Variants in SOX6 observed in about 807,000 individuals in gnomAD.
The protein encoded by SOX6 is SRY-box transcription factor 6.
Under a neutral mutation model 97.8 loss-of-function variants are expected in SOX6, and 11 were observed. The ratio of observed to expected loss-of-function variants is 0.11; its 90% CI spans 0.07 to 0.19. The LOEUF is 0.19. Ranked by LOEUF, SOX6 falls within the 10% of genes least tolerant of loss-of-function variation. SOX6 has a pLI of 1.00. For missense variants in SOX6, 810 were observed against 1,039.5 expected (o/e 0.78, Z 3.04); for synonymous variants, 360 against 371.4 (o/e 0.97, Z 0.35).
At chr11:16,666,823 G>A (rs1480968711) in intron 3 of SOX6, among the ~76,000 whole-genome samples, 5 of 151,570 alleles carry the variant, frequency 3.3e-5, no homozygotes, top group African/African-American at 4.9e-5. Flanking sequence ...TAGAGTCAAA[G>A]GAGACAAAAG....
intron 12 of SOX6, among the ~76,000 whole-genome samples, chr11:16,024,352 C>T (rs1390591535): frequency 6.6e-6 from 1 of 151,968 alleles, no homozygotes; most frequent in East Asian, 1.9e-4. Context: ...CAGCTTCTAC[C>T]TCTTATGCCA....
intron 1 of SOX6, among the ~76,000 whole-genome samples, chr11:16,379,808 T>C (rs1187261961): frequency 2.0e-5 from 3 of 152,066 alleles, no homozygotes; most frequent in Non-Finnish European, 4.4e-5. Context: ...TACTGCAATA[T>C]TGTTAATAAT....
chr11:16,391,236 T>C (rs915603202), intron 1 of SOX6, among the ~76,000 whole-genome samples: 1 of 152,132 alleles, frequency 6.6e-6, no homozygotes, highest in African/African-American at 2.4e-5. Context: ...ATACCTAATG[T>C]AGGTGACAGG....
chr11:16,593,831 T>A (rs1242911811), intron 4 of SOX6, among the ~76,000 whole-genome samples: 1 of 152,156 alleles, frequency 6.6e-6, no homozygotes, highest in Non-Finnish European at 1.5e-5. Flanking sequence ...AGAACAAAAT[T>A]TGATCCCGGG....
At chr11:16,379,057 G>A (rs779955731) in intron 1 of SOX6, among the ~76,000 whole-genome samples, 20 of 152,070 alleles carry the variant, frequency 1.3e-4, no homozygotes, top group Non-Finnish European at 2.8e-4. Context: ...AAATGCTCAA[G>A]TTTACAGAGC....
chr11:16,129,911 C>T (rs961714316), intron 6 of SOX6, among the ~76,000 whole-genome samples: 4 of 152,026 alleles, frequency 2.6e-5, no homozygotes, highest in Admixed American at 6.6e-5. Flanking sequence ...GCAATAATGT[C>T]TACTCTCACC....
intron 1 of SOX6, among the ~76,000 whole-genome samples, chr11:16,389,542 ATG>A (rs1858096479): frequency 1.3e-5 from 2 of 151,138 alleles, no homozygotes; most frequent in South Asian, 4.2e-4. Flanking sequence ...CTCTACTGAG[ATG>A]TCTTATTTTT....
chr11:16,513,379 T>C (rs1860911003), intron 4 of SOX6, among the ~76,000 whole-genome samples: 2 of 152,212 alleles, frequency 1.3e-5, no homozygotes. Flanking sequence ...AGGCCTGTAA[T>C]CCCAGCACTT....
At chr11:16,067,016 T>C (rs779976960) in intron 9 of SOX6, among the ~76,000 whole-genome samples, 5 of 152,170 alleles carry the variant, frequency 3.3e-5, no homozygotes, top group African/African-American at 7.2e-5. Context: ...ATTTCTCCCA[T>C]TTGGAATGGG....
chr11:16,667,461 G>T (rs1246707236), intron 3 of SOX6, among the ~76,000 whole-genome samples: 2 of 151,566 alleles, frequency 1.3e-5, no homozygotes, highest in Admixed American at 1.3e-4. Flanking sequence ...ATACAAAGGA[G>T]CTCCAATATG....
At chr11:16,444,149 TG>T (rs1175458321) in intron 1 of SOX6, among the ~76,000 whole-genome samples, 1 of 152,050 alleles carries the variant, frequency 6.6e-6, no homozygotes, top group Non-Finnish European at 1.5e-5. Flanking sequence ...AAAAGTAAGT[TG>T]TTTTAGTATA....
At chr11:16,062,422 A>G (rs1847982151) in intron 9 of SOX6, among the ~76,000 whole-genome samples, 1 of 151,734 alleles carries the variant, frequency 6.6e-6, no homozygotes, top group Non-Finnish European at 1.5e-5. Flanking sequence ...CTCAGATCAT[A>G]GTTCACAGTC....
intron 3 of SOX6, among the ~76,000 whole-genome samples, chr11:16,694,291 G>A (rs909653489): frequency 6.6e-6 from 1 of 152,208 alleles, no homozygotes; most frequent in Non-Finnish European, 1.5e-5. Context: ...AGTTTGGGAG[G>A]CCATGACAGG....
intron 4 of SOX6, among the ~76,000 whole-genome samples, chr11:16,609,540 A>G (rs1212679963): frequency 6.6e-6 from 1 of 152,148 alleles, no homozygotes; most frequent in African/African-American, 2.4e-5. Flanking sequence ...CATGGGGAAG[A>G]CCTCCTACAG....
At chr11:16,449,391 C>T (rs1859676778) in intron 1 of SOX6, among the ~76,000 whole-genome samples, 2 of 143,848 alleles carry the variant, frequency 1.4e-5, no homozygotes, top group African/African-American at 2.6e-5. Context: ...CTCCCGGGTT[C>T]GCGCCATTCT....
chr11:16,332,480 T>A (rs1856334398), intron 2 of SOX6, among the ~76,000 whole-genome samples: 2 of 152,196 alleles, frequency 1.3e-5, no homozygotes, highest in African/African-American at 4.8e-5. Context: ...ACTCTCAGTA[T>A]ACTGGGAGTA....
chr11:16,158,782 T>C (rs1326235692), intron 6 of SOX6, among the ~76,000 whole-genome samples: 1 of 151,958 alleles, frequency 6.6e-6, no homozygotes. Context: ...ACTACACACT[T>C]TTTCAATTTA....
chr11:16,228,516 A>G (rs1852752229), intron 4 of SOX6, among the ~76,000 whole-genome samples: 1 of 151,886 alleles, frequency 6.6e-6, no homozygotes, highest in Non-Finnish European at 1.5e-5. Context: ...GGAGAGAGAG[A>G]GGAATAGGGA....
chr11:16,265,620 C>T (rs1268707562), intron 3 of SOX6, among the ~76,000 whole-genome samples: 1 of 151,770 alleles, frequency 6.6e-6, no homozygotes, highest in Non-Finnish European at 1.5e-5. Context: ...TCAAATGAAA[C>T]TGAACTAACG....
Sources: gnomAD v4.1 joint callset for allele counts (sites outside exome capture counted in the v4.1 genomes callset) on GRCh38, gnomAD v4.1.1 for gene constraint, MANE v1.5 for transcripts, NCBI Gene and HGNC (gene_info 2026-07-23, HGNC 2026-07-21) for gene names.